The following CCDC192 variants were observed in gnomAD, a reference collection of about 807,000 sequenced individuals.
CCDC192 encodes the protein coiled-coil domain-containing protein 192.
At chr5:127,915,885 C>T (rs1753506940) in intron 6 of CCDC192, among the ~76,000 whole-genome samples, 4 of 152,092 alleles carry the variant, frequency 2.6e-5, no homozygotes, top group African/African-American at 7.2e-5. Context: ...AAGGTGGTGG[C>T]GGCTGAAGGT....
At chr5:127,901,928 A>G (rs1316247774) in intron 6 of CCDC192, among the ~76,000 whole-genome samples, 1 of 152,230 alleles carries the variant, frequency 6.6e-6, no homozygotes, top group African/African-American at 2.4e-5. Context: ...TGATGAATAA[A>G]TTGTGTATAT....
intron 6 of CCDC192, among the ~76,000 whole-genome samples, chr5:127,936,719 C>T (rs890273168): frequency 6.6e-6 from 1 of 152,234 alleles, no homozygotes; most frequent in Non-Finnish European, 1.5e-5. Flanking sequence ...TTTCTTGTTG[C>T]AATCTCTGGG....
intron 5 of CCDC192, among the ~76,000 whole-genome samples, chr5:127,848,169 C>T (rs1750646978): frequency 6.6e-6 from 1 of 152,130 alleles, no homozygotes; most frequent in African/African-American, 2.4e-5. Context: ...TCCTGGTTCT[C>T]TCTTATGGTT....
chr5:127,930,780 G>C (rs970059679), intron 6 of CCDC192, among the ~76,000 whole-genome samples: 1 of 152,186 alleles, frequency 6.6e-6, no homozygotes, highest in Non-Finnish European at 1.5e-5. Flanking sequence ...GGAGCACTTT[G>C]TGCTACTGGA....
At chr5:127,756,606 T>C (rs1436685864) in intron 3 of CCDC192, among the ~76,000 whole-genome samples, 3 of 152,252 alleles carry the variant, frequency 2.0e-5, no homozygotes, top group Non-Finnish European at 4.4e-5. Context: ...AATAGTGATG[T>C]TATCCCCAGG....
intron 2 of CCDC192, among the ~76,000 whole-genome samples, chr5:127,733,886 T>C (rs1171516972): frequency 6.6e-6 from 1 of 150,592 alleles, no homozygotes; most frequent in Non-Finnish European, 1.5e-5. Flanking sequence ...TATTTCCACC[T>C]GAGAATTTGT....
At chr5:127,711,578 A>G (rs764030676) in intron 2 of CCDC192, among the ~76,000 whole-genome samples, 1 of 152,184 alleles carries the variant, frequency 6.6e-6, no homozygotes, top group Non-Finnish European at 1.5e-5. Flanking sequence ...ACATTTGGTC[A>G]TATTTCTGGT....
At chr5:127,802,864 GA>G (rs2126982370) in intron 5 of CCDC192, among the ~76,000 whole-genome samples, 1 of 152,208 alleles carries the variant, frequency 6.6e-6, no homozygotes, top group East Asian at 1.9e-4. Context: ...ATATATCAGG[GA>G]AAATCACTTT....
chr5:127,755,365 T>C (rs1284192559), intron 3 of CCDC192, among the ~76,000 whole-genome samples: 2 of 152,196 alleles, frequency 1.3e-5, no homozygotes, highest in Admixed American at 1.3e-4. Context: ...AATTAATATA[T>C]AATTTAGTGA....
At chr5:127,820,245 A>G (rs1216213089) in intron 5 of CCDC192, among the ~76,000 whole-genome samples, 2 of 152,236 alleles carry the variant, frequency 1.3e-5, no homozygotes, top group African/African-American at 4.8e-5. Context: ...AATATAGCCA[A>G]TGAATATTTG....
intron 2 of CCDC192, among the ~76,000 whole-genome samples, chr5:127,752,614 G>C (rs1168249365): frequency 1.3e-5 from 2 of 152,242 alleles, no homozygotes; most frequent in Non-Finnish European, 2.9e-5. Context: ...AGGCAGGCAG[G>C]CCTCCTTGAG....
At chr5:127,737,530 T>A (rs975426829) in intron 2 of CCDC192, among the ~76,000 whole-genome samples, 1 of 151,402 alleles carries the variant, frequency 6.6e-6, no homozygotes, top group Non-Finnish European at 1.5e-5. Flanking sequence ...AACAGTGGGG[T>A]GTTAAAGTCT....
intron 5 of CCDC192, among the ~76,000 whole-genome samples, chr5:127,868,312 A>G (rs1751701792): frequency 1.3e-5 from 2 of 152,222 alleles, no homozygotes; most frequent in Non-Finnish European, 2.9e-5. Flanking sequence ...GAAGGGGGCA[A>G]TAAGACAAGG....
chr5:127,717,666 G>A (rs1353210079), intron 2 of CCDC192, among the ~76,000 whole-genome samples: 1 of 151,742 alleles, frequency 6.6e-6, no homozygotes, highest in African/African-American at 2.4e-5. Context: ...GAAGCAGAAG[G>A]TCTCCAGGGA....
chr5:127,758,285 A>G (rs1408668363), intron 3 of CCDC192, among the ~76,000 whole-genome samples: 1 of 152,184 alleles, frequency 6.6e-6, no homozygotes, highest in Non-Finnish European at 1.5e-5. Flanking sequence ...ACTGTTACAA[A>G]GAAAAAAATT....
rs567104920 is a variant in CCDC192, at chr5:127,752,427, G to A, written c.115-1841G>A. Among the ~76,000 whole-genome samples the A allele has an allele frequency of 1.8e-4, 27 of 152,280 alleles. No individual in the cohort carries two copies. In the South Asian group the frequency reaches 5.2e-3, roughly 29 times the overall value. ...GGTGCCTCCCAGTTAGGCTGCTCGG[G>A]GGTCAGGGGTCAGGGACCCACTTGA... On this transcript the variant is annotated intron_variant, in intron 2 of 6. Transcript: ENST00000514853.
chr5:127,738,930 G>C (rs1049340139), intron 2 of CCDC192, among the ~76,000 whole-genome samples: 3 of 151,742 alleles, frequency 2.0e-5, no homozygotes, highest in Admixed American at 6.6e-5. Flanking sequence ...CCCTCAGCTC[G>C]TCAAAGTCAT....
At chr5:127,845,793 G>A (rs868432467) in intron 5 of CCDC192, among the ~76,000 whole-genome samples, 1 of 152,172 alleles carries the variant, frequency 6.6e-6, no homozygotes, top group Non-Finnish European at 1.5e-5. Flanking sequence ...AGAGGGACAT[G>A]TATGTGCTAT....
intron 4 of CCDC192, 51 bp downstream of exon 4, chr5:127,797,285 A>G (rs1337947351): frequency 2.5e-6 from 1 of 393,020 alleles, no homozygotes; most frequent in East Asian, 3.6e-5. Flanking sequence ...CTAATTTTAT[A>G]TGAATTGACA....
Sources: allele counts gnomAD v4.1 joint callset (sites outside exome capture counted in the v4.1 genomes callset), GRCh38; gene constraint gnomAD v4.1.1; transcripts MANE v1.5; gene names NCBI Gene and HGNC (gene_info 2026-07-23, HGNC 2026-07-21).